The following PCBP3 variants were observed in gnomAD, a reference collection of about 807,000 sequenced individuals.
PCBP3 encodes the protein poly(rC) binding protein 3.
A neutral mutation model predicts 52.7 loss-of-function variants in PCBP3; 25 were observed. That is an observed-to-expected ratio of 0.47 (90% CI 0.35 to 0.66). The LOEUF is 0.66. Among genes scored for constraint, PCBP3 ranks in the 30% least tolerant of loss-of-function variants. PCBP3 has a pLI of 0.01. For missense variants in PCBP3, 391 were observed against 490.3 expected, an observed-to-expected ratio of 0.80 and a Z score of 1.91; for synonymous variants, 162 against 183.0, an observed-to-expected ratio of 0.89 and a Z score of 0.93.
chr21:45,932,778 C>T (rs1399425501), intron 15 of PCBP3, among the ~76,000 whole-genome samples: 3 of 151,588 alleles, frequency 2.0e-5, no homozygotes, highest in African/African-American at 4.9e-5. Context: ...TGAATGAACA[C>T]ATCAGCCATG....
chr21:45,889,498 C>T (rs573474521), intron 5 of PCBP3, among the ~76,000 whole-genome samples: 6 of 152,346 alleles, frequency 3.9e-5, no homozygotes, highest in South Asian at 2.1e-4. Context: ...CAGACAGCAA[C>T]GGTGCAGGCA....
At chr21:45,690,619 A>G (rs2082404420) in intron 2 of PCBP3, among the ~76,000 whole-genome samples, 2 of 152,158 alleles carry the variant, frequency 1.3e-5, no homozygotes, top group African/African-American at 4.8e-5. Context: ...GCAGCTCAAT[A>G]ATAAGGAAAC....
intron 5 of PCBP3, among the ~76,000 whole-genome samples, chr21:45,875,538 A>G (rs1385967489): frequency 6.6e-6 from 1 of 152,112 alleles, no homozygotes; most frequent in Non-Finnish European, 1.5e-5. Context: ...AGTTGGGGCC[A>G]CTCTGGCAGG....
chr21:45,785,178 C>T (rs1367957431), intron 4 of PCBP3, among the ~76,000 whole-genome samples: 3 of 150,830 alleles, frequency 2.0e-5, no homozygotes, highest in Non-Finnish European at 3.0e-5. Context: ...GGATCCCCTC[C>T]GCCCAGCAGC....
At chr21:45,645,408 GTCTA>G (rs895101573) in intron 1 of PCBP3, among the ~76,000 whole-genome samples, 5 of 152,172 alleles carry the variant, frequency 3.3e-5, no homozygotes, top group African/African-American at 1.2e-4. Context: ...AATGGACTCT[GTCTA>G]GAATTCAGGG....
At position 45,646,154 on chromosome 21, in the gene PCBP3, CA is replaced by C. The variant is rs1603056439; in HGVS notation, c.-279+2287del. Reference sequence around the variant, plus strand: ...GTGTGTGTGTGTGTGTGTTTTGGGGCAGGGGGAGCTCAAACTTCCTTTCCAG... The same window carrying C: ...GTGTGTGTGTGTGTGTGTTTTGGGGCGGGGGAGCTCAAACTTCCTTTCCAG... On this transcript the variant is annotated intron_variant, in intron 1 of 17. Transcript: ENST00000681687. Among the ~76,000 whole-genome samples, 8 of 94,124 alleles carry C rather than the reference CA, an allele frequency of 8.5e-5. No homozygotes were observed. The East Asian group carries it at 2.7e-3, about 31-fold the overall frequency. 61.7% of individuals were successfully genotyped at this position (94,124 alleles called of 152,430 possible). A position where few individuals can be genotyped will look rare whatever the true frequency, so the allele number is the denominator to read the frequency against.
intron 13 of PCBP3, among the ~76,000 whole-genome samples, chr21:45,923,693 CACAG>C (rs2074818258): frequency 6.6e-6 from 1 of 152,238 alleles, no homozygotes; most frequent in African/African-American, 2.4e-5. Flanking sequence ...CCAAGAGACA[CACAG>C]AGAACCTTCC....
intron 1 of PCBP3, among the ~76,000 whole-genome samples, chr21:45,661,453 A>T (rs2080384404): frequency 6.6e-6 from 1 of 152,128 alleles, no homozygotes; most frequent in African/African-American, 2.4e-5. Flanking sequence ...AATGGCCTCC[A>T]TTTCTATCCA....
At chr21:45,687,814 T>C (rs1333424036) in intron 2 of PCBP3, among the ~76,000 whole-genome samples, 2 of 151,418 alleles carry the variant, frequency 1.3e-5, no homozygotes, top group African/African-American at 2.4e-5. Flanking sequence ...CACTGCAAGC[T>C]CCACCCGCCA....
At chr21:45,759,764 C>T (rs2088439693) in intron 4 of PCBP3, 1 of 152,134 alleles carries the variant, frequency 6.6e-6, no homozygotes, top group South Asian at 2.1e-4. Flanking sequence ...GTGTGAAAGC[C>T]ACCAATCTAC....
At chr21:45,933,162 C>G (rs958582993) in intron 15 of PCBP3, among the ~76,000 whole-genome samples, 1 of 152,036 alleles carries the variant, frequency 6.6e-6, no homozygotes, top group Non-Finnish European at 1.5e-5. Flanking sequence ...TGAATGAACA[C>G]CTGGGCCATG....
chr21:45,868,411 C>CTTTT lies in PCBP3; in HGVS notation c.10+18334_10+18337dup, dbSNP rs1232045625. ...TGGTGTTTGTGTTGACTTATTTGTT[C>CTTTT]TTTTTTTTTTTTTTTTTTTTTAAAT... On this transcript the variant is annotated intron_variant, in intron 5 of 17. Transcript: ENST00000681687. Among the ~76,000 whole-genome samples, 73 of 113,636 alleles carry CTTTT rather than the reference C, an allele frequency of 6.4e-4. 5 individuals are homozygous for CTTTT. Among genetic ancestry groups the CTTTT allele is most frequent in the Middle Eastern group, 0.011 (2 of 174 alleles). 74.5% of individuals were successfully genotyped at this position (113,636 alleles called of 152,430 possible).
intron 4 of PCBP3, among the ~76,000 whole-genome samples, chr21:45,813,545 G>A (rs550395755): frequency 8.5e-5 from 13 of 152,216 alleles, no homozygotes; most frequent in South Asian, 4.2e-4. Flanking sequence ...AGGTTCAAGC[G>A]ATTCTCCTGC....
At chr21:45,813,549 C>A (rs2092742321) in intron 4 of PCBP3, among the ~76,000 whole-genome samples, 1 of 152,226 alleles carries the variant, frequency 6.6e-6, no homozygotes, top group Non-Finnish European at 1.5e-5. Flanking sequence ...TCAAGCGATT[C>A]TCCTGCCTCA....
At chr21:45,713,947 G>A (rs977699362) in intron 2 of PCBP3, among the ~76,000 whole-genome samples, 2 of 152,236 alleles carry the variant, frequency 1.3e-5, no homozygotes, top group African/African-American at 4.8e-5. Context: ...TATGTGCAGA[G>A]CCACTTGGTC....
chr21:45,897,179 C>T (rs1047636698), intron 6 of PCBP3, among the ~76,000 whole-genome samples: 7 of 152,218 alleles, frequency 4.6e-5, no homozygotes, highest in Admixed American at 3.9e-4. Context: ...ATATCTTCTG[C>T]GTGTTTCCTA....
At chr21:45,909,548 CA>C in intron 10 of PCBP3, 62 bp downstream of exon 10, 1 of 1,558,324 alleles carries the variant, frequency 6.4e-7, no homozygotes, top group Non-Finnish European at 8.7e-7. Flanking sequence ...GGGTGGTGGC[CA>C]CAGGCCAGGC....
intron 3 of PCBP3, among the ~76,000 whole-genome samples, chr21:45,743,589 TC>T (rs974129971): frequency 1.3e-5 from 2 of 152,138 alleles, no homozygotes; most frequent in Admixed American, 6.5e-5. Context: ...TATAATATGC[TC>T]CCAGTATCTT....
At chr21:45,822,712 A>G (rs2093178379) in intron 4 of PCBP3, among the ~76,000 whole-genome samples, 1 of 152,176 alleles carries the variant, frequency 6.6e-6, no homozygotes, top group Non-Finnish European at 1.5e-5. Context: ...GGACAGGGTT[A>G]GGTGCACGAG....
Sources: allele counts gnomAD v4.1 joint callset (sites outside exome capture counted in the v4.1 genomes callset), GRCh38; gene constraint gnomAD v4.1.1; transcripts MANE v1.5; gene names NCBI Gene and HGNC (gene_info 2026-07-23, HGNC 2026-07-21).